RPL23A: variants seen among roughly 807,000 people sequenced by gnomAD.
RPL23A encodes the protein ribosomal protein L23a.
Under a neutral mutation model 17.6 loss-of-function variants are expected in RPL23A, and 2 were observed. That is an observed-to-expected ratio of 0.11 (90% CI 0.05 to 0.36). RPL23A has a LOEUF of 0.36. Ranked by LOEUF, RPL23A falls within the 10% of genes least tolerant of loss-of-function variation. The pLI is 1.00. For synonymous variants in RPL23A, 65 were observed against 74.3 expected (o/e 0.87, Z 0.65); for missense variants, 132 against 194.4 (o/e 0.68, Z 1.91).
chr17:28,720,429 G>A (rs2034093443), intron 1 of RPL23A: 2 of 1,609,848 alleles, frequency 1.2e-6, no homozygotes, highest in Non-Finnish European at 1.7e-6. Context: ...TTTTGCGATG[G>A]GGTATGTGTA....
chr17:28,720,962 C>G (rs1379207991), intron 2 of RPL23A, 72 bp downstream of exon 2: 3 of 1,332,584 alleles, frequency 2.3e-6, no homozygotes, highest in African/African-American at 2.9e-5. Context: ...TTCACTCACT[C>G]TGCGTGATGG....
At chr17:28,722,283 A>G in intron 2 of RPL23A, 1 of 238,448 alleles carries the variant, frequency 4.2e-6, no homozygotes, top group South Asian at 4.8e-5. Context: ...CCCTGGCCCG[A>G]TTCTCCTGCC....
intron 2 of RPL23A, chr17:28,721,807 A>G (rs2034119421): frequency 6.6e-6 from 1 of 152,172 alleles, no homozygotes; most frequent in South Asian, 2.1e-4. Flanking sequence ...TTGTGTTCAT[A>G]TAGGAAAGCA....
intron 2 of RPL23A, 171 bp from the exon 3 acceptor site, chr17:28,722,552 G>C (rs1421857761): frequency 1.3e-6 from 1 of 771,306 alleles, no homozygotes; most frequent in Non-Finnish European, 2.4e-6. Context: ...TCTGCCCCTG[G>C]GATTGGGGCT....
At chr17:28,723,677 C>T (rs759913526) in intron 4 of RPL23A, 37 bp downstream of exon 4, 1 of 1,587,658 alleles carries the variant, frequency 6.3e-7, no homozygotes, top group Non-Finnish European at 8.7e-7. Context: ...AATGCTCACC[C>T]CTTGGGTGCA....
rs1008695710 is a variant in RPL23A, at chr17:28,724,226, T to A, written c.*345T>A. 5.7e-6 allele frequency: 3 copies of A among 527,132 alleles called. No homozygotes were observed. Among genetic ancestry groups the A allele is most frequent in the African/African-American group, 5.7e-5 (3 of 52,806 alleles). 32.7% of individuals were successfully genotyped at this position (527,132 alleles called of 1,614,324 possible). Reference sequence around the variant, plus strand: ...GCCCAGGGTTTGAAGGGTGTTAGCATCCATTTCAGGGGAGTGTGGATTGGC... The same window carrying A: ...GCCCAGGGTTTGAAGGGTGTTAGCAACCATTTCAGGGGAGTGTGGATTGGC... On this transcript the variant is annotated 3_prime_UTR_variant, in exon 5 of 5. Transcript: ENST00000422514.
intron 1 of RPL23A, chr17:28,720,327 C>T (rs1282023818): frequency 3.2e-6 from 5 of 1,550,944 alleles, no homozygotes; most frequent in South Asian, 1.2e-5. Context: ...GTCCCCGGGC[C>T]TGTAAGGAAT....
At chr17:28,720,553 C>T (rs2034096444) in intron 1 of RPL23A, 154 bp from the exon 2 acceptor site, 2 of 1,386,532 alleles carry the variant, frequency 1.4e-6, no homozygotes, top group East Asian at 4.6e-5. Flanking sequence ...TGGTATCGTG[C>T]ATATGATGGA....
In RPL23A at chr17:28,720,453, A is replaced by G. The variant is rs756470200; in HGVS notation, c.26-254A>G. The G allele has an allele frequency of 1.2e-5, 19 of 1,611,450 alleles. No individual in the cohort carries two copies. In the African/African-American group the frequency reaches 2.1e-4, roughly 18 times the overall value. ...GGGGTATGTGTAAAATTCGTAGGACATTTTCTGGAAAGTATCAAGCGTTCA... is the reference window on the plus strand; with the variant it reads ...GGGGTATGTGTAAAATTCGTAGGACGTTTTCTGGAAAGTATCAAGCGTTCA... On this transcript the variant is annotated intron_variant, in intron 1 of 4. Coordinates refer to ENST00000422514, the MANE Select transcript of RPL23A (RefSeq NM_000984.6).
At chr17:28,723,439 T>C (rs768082661) in intron 3 of RPL23A, 132 bp from the exon 4 acceptor site, 3 of 803,432 alleles carry the variant, frequency 3.7e-6, no homozygotes, top group Non-Finnish European at 4.5e-6. Context: ...GGGCTAATGA[T>C]GGAAAAATCA....
At position 28,720,920 on chromosome 17, in the gene RPL23A, G is replaced by A. The variant is rs748477755; in HGVS notation, c.209+30G>A. ...GTACTGCCCCCTGTACCCATGAAAAGATTTGGGTATTCTCCATTGGTAATT... is the reference window on the plus strand; with the variant it reads ...GTACTGCCCCCTGTACCCATGAAAAAATTTGGGTATTCTCCATTGGTAATT... On this transcript the variant is annotated intron_variant, in intron 2 of 4. Coordinates refer to ENST00000422514, the MANE Select transcript of RPL23A (RefSeq NM_000984.6). 11 of 1,585,120 alleles carry A rather than the reference G, an allele frequency of 6.9e-6. No individual in the cohort carries two copies. The East Asian group carries it at 1.1e-4, about 16-fold the overall frequency.
In RPL23A at chr17:28,724,162, C is replaced by G; in HGVS notation, c.*281C>G. 4.0e-6 allele frequency: 2 copies of G among 501,228 alleles called. No homozygotes were observed. The highest frequency in any genetic ancestry group is 6.9e-6 in the Non-Finnish European group (2 of 287,950). The allele number at this position is 501,228 out of a possible 1,614,324, so 31.0% of individuals were successfully genotyped here. On this transcript the variant is annotated 3_prime_UTR_variant, in exon 5 of 5. Coordinates refer to ENST00000422514, the MANE Select transcript of RPL23A (RefSeq NM_000984.6). ...GGTTGAGTAACAAGCTGTACAAGAACCCCTTTTATCCCTGGAAGAGGCTGT... is the reference window on the plus strand; with the variant it reads ...GGTTGAGTAACAAGCTGTACAAGAAGCCCTTTTATCCCTGGAAGAGGCTGT...
At chr17:28,723,661 C>G (rs1305991865) in intron 4 of RPL23A, 21 bp downstream of exon 4, 3 of 1,606,206 alleles carry the variant, frequency 1.9e-6, no homozygotes, top group Non-Finnish European at 2.6e-6. Flanking sequence ...TTCCTACAAA[C>G]CCCTTAATGC....
chr17:28,720,957 T>G, intron 2 of RPL23A, 67 bp downstream of exon 2: 2 of 1,368,328 alleles, frequency 1.5e-6, no homozygotes, highest in Non-Finnish European at 2.1e-6. Flanking sequence ...GGAAATTCAC[T>G]CACTCTGCGT....
chr17:28,720,878 C>G lies in RPL23A; in HGVS notation c.197C>G (p.Pro66Arg), dbSNP rs765223239. ...CCCAAATATCCTCGGAAGAGCGCTC[C>G]CAGGAGAAACAAGTCAGTACTGCCC... Reference protein sequence around the residue: ...RQPKYPRKSAPRRNKLDHYAI... With the variant: ...RQPKYPRKSARRRNKLDHYAI... The change falls in exon 2 of 5, where the codon CCC becomes CGC. Residue 66 changes from proline to arginine, a missense_variant. Pro to Arg is a moderately radical substitution (Grantham distance 103, BLOSUM62 -2). Around this residue, in one of 2 missense-constraint regions of RPL23A, gnomAD observed 69 missense variants for 145.5 expected, o/e 0.47. Coordinates refer to ENST00000422514, the MANE Select transcript of RPL23A (RefSeq NM_000984.6). 1.2e-6 allele frequency: 2 copies of G among 1,613,706 alleles called. No homozygotes were observed. Among genetic ancestry groups the G allele is most frequent in the Non-Finnish European group, 8.5e-7 (1 of 1,179,878 alleles).
chr17:28,720,262 A>G (rs1567751289), intron 1 of RPL23A: 5 of 1,542,046 alleles, frequency 3.2e-6, no homozygotes, highest in Non-Finnish European at 3.5e-6. Flanking sequence ...TCCGCCAGGG[A>G]GGGCCAGACA....
chr17:28,723,726 T>C (rs746412882), intron 4 of RPL23A, 86 bp downstream of exon 4: 1 of 1,406,334 alleles, frequency 7.1e-7, no homozygotes, highest in Non-Finnish European at 1.0e-6. Flanking sequence ...TGATCTTTGC[T>C]GATTAGTCAT....
At chr17:28,723,511 AGGGGGAGGGTGT>A in intron 3 of RPL23A, 48 bp from the exon 4 acceptor site, 1 of 1,165,106 alleles carries the variant, frequency 8.6e-7, no homozygotes, top group Non-Finnish European at 1.3e-6. Context: ...TGGAGGAGGA[AGGGGGAGGGTGT>A]GGGGGCAGTG....
intron 2 of RPL23A, 98 bp downstream of exon 2, chr17:28,720,988 TTGTGTCCAG>T (rs1314692039): frequency 2.0e-6 from 2 of 1,015,990 alleles, no homozygotes; most frequent in East Asian, 5.1e-5. Flanking sequence ...CAAACGCAAA[TTGTGTCCAG>T]TGTGCTTCTC....
Sources: gnomAD v4.1 joint callset for allele counts on GRCh38, gnomAD v4.1.1 for gene constraint, gnomAD v4.1.1 regional missense constraint, MANE v1.5 for transcripts, NCBI Gene and HGNC (gene_info 2026-07-23, HGNC 2026-07-21) for gene names.